SPATA21: variants seen among roughly 807,000 people sequenced by gnomAD.
SPATA21 encodes the protein spermatogenesis-associated protein 21.
A neutral mutation model predicts 54.8 loss-of-function variants in SPATA21; 47 were observed. The ratio of observed to expected loss-of-function variants is 0.86; its 90% CI spans 0.68 to 1.09. The LOEUF (loss-of-function observed/expected upper bound fraction) is 1.09. Among genes scored for constraint, SPATA21 ranks in the 50% least tolerant of loss-of-function variants. The pLI, the probability that SPATA21 is intolerant of heterozygous loss-of-function variation, is 0.00. For synonymous variants in SPATA21, 245 were observed against 235.3 expected, an observed-to-expected ratio of 1.04 and a Z score of -0.38; for missense variants, 599 against 596.4, an observed-to-expected ratio of 1.00 and a Z score of -0.05.
intron 3 of SPATA21, among the ~76,000 whole-genome samples, chr1:16,430,138 AAAG>A (rs1391360078): frequency 6.6e-6 from 1 of 150,384 alleles, no homozygotes; most frequent in East Asian, 2.0e-4. Flanking sequence ...AAAAAAAAAA[AAAG>A]AAGATGCCGG....
At chr1:16,410,735 CAG>C (rs1368077475) in intron 5 of SPATA21, 11 of 292,384 alleles carry the variant, frequency 3.8e-5, no homozygotes, top group Non-Finnish European at 7.1e-5. Flanking sequence ...TTTGTAGAGA[CAG>C]GGTTTCACCA....
At chr1:16,400,576 G>T in intron 11 of SPATA21, 144 bp downstream of exon 11, 1 of 1,478,292 alleles carries the variant, frequency 6.8e-7, no homozygotes, top group East Asian at 2.3e-5. Flanking sequence ...CCTGTTTTCT[G>T]ATGTACACAG....
intron 1 of SPATA21, among the ~76,000 whole-genome samples, chr1:16,433,955 AT>A (rs541953077): frequency 6.6e-6 from 1 of 151,994 alleles, no homozygotes; most frequent in African/African-American, 2.4e-5. Flanking sequence ...ATTCTAGAAT[AT>A]TTTTATCACC....
chr1:16,426,272 T>C (rs2086314889), intron 3 of SPATA21, among the ~76,000 whole-genome samples: 1 of 151,826 alleles, frequency 6.6e-6, no homozygotes, highest in Non-Finnish European at 1.5e-5. Context: ...TTTATTTATT[T>C]ATTTGAGACA....
chr1:16,417,850 G>A (rs1257130751), intron 5 of SPATA21, among the ~76,000 whole-genome samples: 2 of 152,104 alleles, frequency 1.3e-5, no homozygotes, highest in Non-Finnish European at 1.5e-5. Flanking sequence ...GATTACAGGC[G>A]TGAGCCACTC....
At chr1:16,435,117 A>G (rs930527947) in intron 1 of SPATA21, among the ~76,000 whole-genome samples, 11 of 151,898 alleles carry the variant, frequency 7.2e-5, no homozygotes, top group African/African-American at 2.7e-4. Flanking sequence ...TCAGCCTCCC[A>G]GTGTTTTGGG....
At chr1:16,415,622 T>C (rs1441464170) in intron 5 of SPATA21, among the ~76,000 whole-genome samples, 1 of 151,858 alleles carries the variant, frequency 6.6e-6, no homozygotes, top group Non-Finnish European at 1.5e-5. Flanking sequence ...TGTGTTGGTG[T>C]GATCTCGGCT....
Position 16,411,285 on chromosome 1 carries a change from C to T in SPATA21, c.145-1242G>A, listed in dbSNP as rs147430529. Among the ~76,000 whole-genome samples, 506 of 152,226 alleles carry T rather than the reference C, an allele frequency of 3.3e-3. 3 individuals are homozygous for T. The highest frequency in any genetic ancestry group is 9.9e-3 in the African/African-American group (411 of 41,536). On this transcript the variant is annotated intron_variant, in intron 5 of 12. Coordinates refer to ENST00000335496, the MANE Select transcript of SPATA21 (RefSeq NM_198546.1). Reference sequence around the variant, plus strand: ...CACTGCCACCTTGAATTCCTGGGCTCAAGAGATAATCCCACCTCAGCCTCC... The same window carrying T: ...CACTGCCACCTTGAATTCCTGGGCTTAAGAGATAATCCCACCTCAGCCTCC...
chr1:16,403,925 C>A (rs2085540603), intron 9 of SPATA21, 43 bp downstream of exon 9: 2 of 1,612,516 alleles, frequency 1.2e-6, no homozygotes, highest in African/African-American at 2.7e-5. Flanking sequence ...AACCTCCCAG[C>A]CCCTCCTCCA....
At position 16,419,152 on chromosome 1, in the gene SPATA21, C is replaced by G. The variant is rs938337104; in HGVS notation, c.144+2357G>C. On this transcript the variant is annotated intron_variant, in intron 5 of 12. Transcript: ENST00000335496. Reference sequence around the variant, plus strand: ...CTTGAGATGGCTGGCCAGGGAAGGCCTTGTGGAAAAACTGATGTCGAAATT... The same window carrying G: ...CTTGAGATGGCTGGCCAGGGAAGGCGTTGTGGAAAAACTGATGTCGAAATT... Among the ~76,000 whole-genome samples, 10 of 152,260 alleles carry G rather than the reference C, an allele frequency of 6.6e-5. No homozygotes were observed. The East Asian group carries it at 1.7e-3, about 26-fold the overall frequency.
At chr1:16,414,232 A>G (rs1473697137) in intron 5 of SPATA21, among the ~76,000 whole-genome samples, 10 of 151,754 alleles carry the variant, frequency 6.6e-5, no homozygotes, top group Non-Finnish European at 2.9e-5. Context: ...CAGCCTGGCT[A>G]ATTTTTTTGT....
downstream of SPATA21, chr1:16,398,091 C>T (rs955997075): frequency 1.1e-5 from 9 of 811,852 alleles, no homozygotes; most frequent in East Asian, 5.0e-4. Context: ...GCTCCTGAGT[C>T]GGCAGATTAA....
At position 16,398,673 on chromosome 1, in the gene SPATA21, G is replaced by T; in HGVS notation, c.*92C>A. 7.0e-7 allele frequency: 1 copy of T among 1,426,076 alleles called. No homozygotes were observed. The highest frequency in any genetic ancestry group is 9.8e-7 in the Non-Finnish European group (1 of 1,017,000). 88.3% of individuals were successfully genotyped at this position (1,426,076 alleles called of 1,614,324 possible). A position where few individuals can be genotyped will look rare whatever the true frequency, so the allele number is the denominator to read the frequency against. ...TTATTGGTGTTTATTAGCTCACCAGGCCACAAAAGCAAATCCCAGCAGCAG... is the reference window on the plus strand; with the variant it reads ...TTATTGGTGTTTATTAGCTCACCAGTCCACAAAAGCAAATCCCAGCAGCAG... On this transcript the variant is annotated 3_prime_UTR_variant, in exon 13 of 13. Transcript: ENST00000335496.
intron 7 of SPATA21, among the ~76,000 whole-genome samples, chr1:16,407,021 G>T (rs1305398675): frequency 6.6e-6 from 1 of 152,260 alleles, no homozygotes; most frequent in African/African-American, 2.4e-5. Context: ...CTGCATTCAT[G>T]TGAGCCTCTA....
intron 5 of SPATA21, among the ~76,000 whole-genome samples, chr1:16,420,863 G>A (rs568813227): frequency 1.6e-3 from 237 of 152,196 alleles, no homozygotes; most frequent in African/African-American, 5.6e-3. Flanking sequence ...GGAAAAGTGA[G>A]ACTTGCAGGC....
chr1:16,403,286 C>T (rs907863246), intron 10 of SPATA21, among the ~76,000 whole-genome samples: 3 of 152,052 alleles, frequency 2.0e-5, no homozygotes, highest in Admixed American at 6.5e-5. Context: ...AGCATGGGGC[C>T]GCCAGCTACC....
chr1:16,400,906 G>A lies in SPATA21; in HGVS notation c.1002-14C>T, dbSNP rs779696732. 6.2e-6 allele frequency: 10 copies of A among 1,609,564 alleles called. No homozygotes were observed. The African/African-American group carries it at 1.2e-4, about 19-fold the overall frequency. ...TTCTGGTAGTAGCTGGGGAGGCAGTGCCCACCCATCTCAGCCTGGCTGTGT... is the reference window on the plus strand; with the variant it reads ...TTCTGGTAGTAGCTGGGGAGGCAGTACCCACCCATCTCAGCCTGGCTGTGT... On this transcript the variant is annotated splice_polypyrimidine_tract_variant and intron_variant, in intron 10 of 12. Coordinates refer to ENST00000335496, the MANE Select transcript of SPATA21 (RefSeq NM_198546.1).
At chr1:16,402,511 G>T (rs560087350) in intron 10 of SPATA21, among the ~76,000 whole-genome samples, 96 of 151,168 alleles carry the variant, frequency 6.4e-4, no homozygotes, top group African/African-American at 1.9e-3. Context: ...TCCGCCCACC[G>T]CGGCCTCCCA....
intron 11 of SPATA21, chr1:16,400,477 C>T: frequency 2.4e-6 from 3 of 1,258,786 alleles, no homozygotes; most frequent in Non-Finnish European, 3.0e-6. Context: ...GCTCATGGGA[C>T]CAACCTGTGC....
Sources: gnomAD v4.1 joint callset for allele counts (sites outside exome capture counted in the v4.1 genomes callset) on GRCh38, gnomAD v4.1.1 for gene constraint, MANE v1.5 for transcripts, NCBI Gene and HGNC (gene_info 2026-07-23, HGNC 2026-07-21) for gene names.